Variants in IDH3B observed in about 807,000 individuals in gnomAD.
IDH3B encodes the protein isocitrate dehydrogenase [NAD] subunit beta, mitochondrial.
In IDH3B, 40 loss-of-function variants were observed where a neutral mutation model predicts 47.5. The observed-to-expected ratio is 0.84, with a 90% CI of 0.65 to 1.10. The LOEUF (loss-of-function observed/expected upper bound fraction) is 1.10. Among genes scored for constraint, IDH3B ranks in the 50% least tolerant of loss-of-function variants. IDH3B has a pLI of 0.00. For missense variants in IDH3B, 450 were observed against 505.2 expected (o/e 0.89, Z 1.05); for synonymous variants, 185 against 191.0 (o/e 0.97, Z 0.26).
intron 11 of IDH3B, 115 bp from the exon 12 acceptor site, chr20:2,658,952 G>C (rs1248797388): frequency 6.5e-7 from 1 of 1,536,842 alleles, no homozygotes; most frequent in Non-Finnish European, 8.7e-7. Flanking sequence ...CCAGAAAAAA[G>C]GCAATGCACA....
chr20:2,659,785 C>G lies in IDH3B; in HGVS notation c.924G>C (p.Arg308=). 6.2e-7 allele frequency: 1 copy of G among 1,613,138 alleles called. No homozygotes were observed. Among genetic ancestry groups the G allele is most frequent in the Non-Finnish European group, 8.5e-7 (1 of 1,179,114 alleles). ...TGCCCACTGCCTGGGCAAATGGGTG[C>G]CGGGCACCCTGTGGAGAGAGGGGCA... is the stretch of plus-strand genomic sequence containing the variant. ...AEYAVFETGA[R]HPFAQAVGRN... The change falls in exon 10 of 12, where the codon CGG becomes CGC. Residue 308 remains arginine (R), a synonymous_variant. Transcript: ENST00000380843.
intron 4 of IDH3B, among the ~76,000 whole-genome samples, chr20:2,661,493 G>A (rs1158164483): frequency 1.2e-4 from 19 of 152,070 alleles, no homozygotes; most frequent in Non-Finnish European, 1.5e-5. Context: ...AATTTATGTT[G>A]AAACTTCAAA....
chr20:2,661,095 A>G (rs2086938870), intron 4 of IDH3B, 126 bp from the exon 5 acceptor site: 2 of 804,554 alleles, frequency 2.5e-6, no homozygotes, highest in Non-Finnish European at 4.3e-6. Flanking sequence ...CCACATCAGT[A>G]AACTTTTAAA....
chr20:2,659,048 G>A, intron 11 of IDH3B: 1 of 1,132,714 alleles, frequency 8.8e-7, no homozygotes, highest in South Asian at 1.8e-5. Context: ...GCCAGGGCAG[G>A]ACAGGAGGCT....
chr20:2,660,249 T>C lies in IDH3B; in HGVS notation c.768+14A>G. On this transcript the variant is annotated intron_variant, in intron 8 of 11. Coordinates refer to ENST00000380843, the MANE Select transcript of IDH3B (RefSeq NM_006899.5). The surrounding 1 kb of genome is among the most constrained non-coding windows in gnomAD (Gnocchi z 5.6). ...CTCCTCCGCCCCATGAGTAGAGATG[T>C]GGGGAGGCCTCACCTGCATGCAGCA... is the stretch of plus-strand genomic sequence containing the variant. 1 of 1,614,022 alleles carries C rather than the reference T, an allele frequency of 6.2e-7. No individual in the cohort carries two copies. The highest frequency in any genetic ancestry group is 1.3e-5 in the African/African-American group (1 of 75,034).
intron 4 of IDH3B, among the ~76,000 whole-genome samples, chr20:2,661,177 C>CTGTGTGTGTGTGTGTGTG (rs71329398): frequency 5.5e-4 from 82 of 150,166 alleles, no homozygotes; most frequent in Middle Eastern, 3.5e-3. Flanking sequence ...ATTGCATTTT[C>CTGTGTGTGTGTGTGTGTG]TGTGTGTGTG....
chr20:2,663,196 T>TAAATGCAAC (rs1791581332), intron 4 of IDH3B, among the ~76,000 whole-genome samples: 1 of 149,938 alleles, frequency 6.7e-6, no homozygotes, highest in Admixed American at 6.6e-5. Context: ...AGAAATGCAA[T>TAAATGCAAC]GAATAAGATT....
At chr20:2,659,247 C>G (rs915496804) in intron 11 of IDH3B, 12 of 1,444,406 alleles carry the variant, frequency 8.3e-6, no homozygotes, top group African/African-American at 1.4e-5. Context: ...GCTGCAAGTT[C>G]TGCATTCAGA....
intron 4 of IDH3B, among the ~76,000 whole-genome samples, chr20:2,662,261 G>A (rs58590222): frequency 0.015 from 2,348 of 152,256 alleles, 50 homozygotes; most frequent in African/African-American, 0.052. Context: ...AAGAAAGAAC[G>A]TTCTGGGTGG....
chr20:2,658,979 C>T, intron 11 of IDH3B, 142 bp from the exon 12 acceptor site: 1 of 1,341,244 alleles, frequency 7.5e-7, no homozygotes, highest in Non-Finnish European at 9.6e-7. Context: ...GAAGGAGGAG[C>T]CAGGATGGGA....
In IDH3B at chr20:2,659,805, G is replaced by A. The variant is rs777280445; in HGVS notation, c.916-12C>T. 10 of 1,603,590 alleles carry A rather than the reference G, an allele frequency of 6.2e-6. No homozygotes were observed. The highest frequency in any genetic ancestry group is 8.5e-6 in the Non-Finnish European group (10 of 1,170,542). ...GGGTGCCGGGCACCCTGTGGAGAGA[G>A]GGGCAGGCTAGACACTGGGAGGAGG... is the stretch of plus-strand genomic sequence containing the variant. On this transcript the variant is annotated splice_polypyrimidine_tract_variant and intron_variant, in intron 9 of 11. Transcript: ENST00000380843.
At position 2,660,550 on chromosome 20, in the gene IDH3B, C is replaced by T. The variant is rs1264485788; in HGVS notation, c.572G>A (p.Arg191Gln). ...GVIECLKIVT[R>Q]AKSQRIAKFA... Reference sequence around the variant, plus strand: ...CTTTGCAATCCGCTGAGACTTGGCTCGTGTGACAATCTTCAAACACTCAAT... The same window carrying T: ...CTTTGCAATCCGCTGAGACTTGGCTTGTGTGACAATCTTCAAACACTCAAT... The change falls in exon 7 of 12, where the codon CGA becomes CAA. Residue 191 changes from arginine (R) to glutamine (Q), a missense_variant. Coordinates refer to ENST00000380843, the MANE Select transcript of IDH3B (RefSeq NM_006899.5). This position sits in a 1 kb window ranked among gnomAD's most constrained non-coding sequence, Gnocchi z 5.6. The T allele has an allele frequency of 3.7e-6, 6 of 1,613,986 alleles. No homozygotes were observed. The highest frequency in any genetic ancestry group is 1.7e-5 in the Admixed American group (1 of 59,990).
At chr20:2,663,397 C>A in intron 4 of IDH3B, 49 bp downstream of exon 4, 2 of 1,609,174 alleles carry the variant, frequency 1.2e-6, no homozygotes, top group South Asian at 2.2e-5. Flanking sequence ...AACATTTGGT[C>A]ATTTGATTTT....
rs2086898673 is a variant in IDH3B, at chr20:2,659,571, G to A, written c.1025C>T (p.Ser342Phe). ...CTTCACCGCATCTGCGATCATGCTG[G>A]AGTGATACTCAAGACTGTGGATATG... ...MLRHLNLEYHSSMIADAVKKV... is the reference protein window; with the variant it reads ...MLRHLNLEYHFSMIADAVKKV... Residue 342 changes from serine to phenylalanine, a missense_variant, in exon 11 of 12, where the codon TCC becomes TTC. Transcript: ENST00000380843. 1.2e-6 allele frequency: 2 copies of A among 1,614,072 alleles called. No individual in the cohort carries two copies. Among genetic ancestry groups the A allele is most frequent in the African/African-American group, 1.3e-5 (1 of 74,926 alleles).
chr20:2,662,456 A>G (rs983322218), intron 4 of IDH3B, among the ~76,000 whole-genome samples: 1 of 152,218 alleles, frequency 6.6e-6, no homozygotes, highest in Non-Finnish European at 1.5e-5. Context: ...AGAGATATGG[A>G]AGATGAACTA....
At chr20:2,663,365 A>C in intron 4 of IDH3B, 81 bp downstream of exon 4, 1 of 1,502,520 alleles carries the variant, frequency 6.7e-7, no homozygotes, top group Non-Finnish European at 9.3e-7. Context: ...ATTGCATAGC[A>C]TGTGGGGAGA....
intron 4 of IDH3B, 110 bp downstream of exon 4, chr20:2,663,336 T>TAACAA: frequency 7.9e-7 from 1 of 1,268,288 alleles, no homozygotes; most frequent in Non-Finnish European, 1.1e-6. Flanking sequence ...CCAATGGTGG[T>TAACAA]TGCCCTGGAG....
At chr20:2,658,957 T>G (rs1790025157) in intron 11 of IDH3B, 120 bp from the exon 12 acceptor site, 1 of 1,515,014 alleles carries the variant, frequency 6.6e-7, no homozygotes, top group Non-Finnish European at 8.8e-7. Context: ...AAAAAGGCAA[T>G]GCACAGGAAT....
intron 2 of IDH3B, 67 bp downstream of exon 2, chr20:2,663,858 G>GGTCAGCTTTGAGACAT (rs2086995931): frequency 6.3e-7 from 1 of 1,596,412 alleles, no homozygotes; most frequent in Non-Finnish European, 8.6e-7. Flanking sequence ...GTGGGGAAAA[G>GGTCAGCTTTGAGACAT]CCAGGGGAGG....
Sources: allele counts gnomAD v4.1 joint callset (sites outside exome capture counted in the v4.1 genomes callset), GRCh38; gene constraint gnomAD v4.1.1; non-coding constraint Gnocchi (gnomAD v3.1); transcripts MANE v1.5; gene names NCBI Gene and HGNC (gene_info 2026-07-23, HGNC 2026-07-21).